Variants in CCDC57 observed in about 807,000 individuals in gnomAD.
The protein encoded by CCDC57 is coiled-coil domain-containing protein 57.
A neutral mutation model predicts 118.9 loss-of-function variants in CCDC57; 118 were observed. The observed-to-expected ratio is 0.99, with a 90% CI of 0.86 to 1.16. The LOEUF (loss-of-function observed/expected upper bound fraction) is 1.16. CCDC57 is among the 50% of genes most tolerant of loss of function. The pLI is 0.00. For missense variants in CCDC57, 1,300 were observed against 1,320.7 expected (o/e 0.98, Z 0.24); for synonymous variants, 527 against 532.9 (o/e 0.99, Z 0.15).
chr17:82,196,236 T>TAAGGAG (rs1207923147), intron 4 of CCDC57, among the ~76,000 whole-genome samples: 1 of 152,262 alleles, frequency 6.6e-6, no homozygotes, highest in Non-Finnish European at 1.5e-5. Flanking sequence ...TTGGAGCCAC[T>TAAGGAG]TGAGGAAGCC....
intron 19 of CCDC57, chr17:82,107,429 G>A (rs1162523728): frequency 4.3e-6 from 2 of 469,150 alleles, no homozygotes; most frequent in Non-Finnish European, 8.8e-6. Flanking sequence ...CACCCTCCAT[G>A]GCGTCTCTGC....
intron 19 of CCDC57, among the ~76,000 whole-genome samples, chr17:82,109,982 CTGTT>C (rs1264932236): frequency 6.7e-6 from 1 of 149,236 alleles, no homozygotes; most frequent in Non-Finnish European, 1.5e-5. Context: ...GCAAAGAAGT[CTGTT>C]TTTTTTTTTT....
chr17:82,181,855 C>T (rs573444314), intron 9 of CCDC57, among the ~76,000 whole-genome samples: 1 of 152,064 alleles, frequency 6.6e-6, no homozygotes, highest in Non-Finnish European at 1.5e-5. Flanking sequence ...GGGTGGCTCA[C>T]GCCTGTCATC....
intron 19 of CCDC57, 92 bp from the exon 19 acceptor site, chr17:82,101,958 C>G: frequency 7.9e-7 from 1 of 1,272,474 alleles, no homozygotes; most frequent in Non-Finnish European, 1.0e-6. Flanking sequence ...GCAGCACTTC[C>G]GTGTTCCCGG....
At chr17:82,140,094 T>C (rs767416544) in intron 16 of CCDC57, among the ~76,000 whole-genome samples, 5 of 152,142 alleles carry the variant, frequency 3.3e-5, no homozygotes, top group African/African-American at 4.8e-5. Flanking sequence ...TTTTTTTGTT[T>C]GTTTTTTTTG....
chr17:82,123,081 C>T (rs1436399480), intron 19 of CCDC57, among the ~76,000 whole-genome samples: 2 of 150,454 alleles, frequency 1.3e-5, no homozygotes, highest in African/African-American at 4.9e-5. Flanking sequence ...CTACCTGTAG[C>T]GTTCCACTGC....
exon 5 of CCDC57, chr17:82,195,295 T>G (rs753747724): frequency 3.1e-6 from 5 of 1,602,066 alleles, no homozygotes; most frequent in Non-Finnish European, 4.3e-6. Flanking sequence ...GTGTTGCTCA[T>G]GTTGTCAGCC....
chr17:82,144,748 C>A (rs1441413781), intron 16 of CCDC57, among the ~76,000 whole-genome samples: 1 of 152,222 alleles, frequency 6.6e-6, no homozygotes, highest in African/African-American at 2.4e-5. Context: ...AGATACTTTA[C>A]TATTTATGCA....
At chr17:82,167,922 C>T (rs1051514770) in intron 13 of CCDC57, among the ~76,000 whole-genome samples, 5 of 152,196 alleles carry the variant, frequency 3.3e-5, no homozygotes, top group African/African-American at 7.2e-5. Context: ...GGCCTGTCAA[C>T]GTAATTTTAA....
intron 19 of CCDC57, among the ~76,000 whole-genome samples, chr17:82,124,014 A>G (rs2037091526): frequency 6.6e-6 from 1 of 151,918 alleles, no homozygotes; most frequent in Non-Finnish European, 1.5e-5. Context: ...AAGATAATGA[A>G]AAGCAAAAAT....
chr17:82,127,352 C>T, intron 19 of CCDC57: 1 of 180,956 alleles, frequency 5.5e-6, no homozygotes, highest in African/African-American at 9.1e-5. Flanking sequence ...CACCTGGGCT[C>T]CATTCTAAGT....
At position 82,167,597 on chromosome 17, in the gene CCDC57, C is replaced by T. The variant is rs901551845; in HGVS notation, c.1882+4104G>A. ...AACTCCTGGCCTCAAGTGATCCACC[C>T]GCCTCAGCTTCCCAAAGTGCTGGGA... On this transcript the variant is annotated intron_variant, in intron 13 of 19. Coordinates refer to ENST00000665763, the Ensembl canonical transcript of CCDC57. Among the ~76,000 whole-genome samples, 10 of 150,256 alleles carry T rather than the reference C, an allele frequency of 6.7e-5. No individual in the cohort carries two copies. In the South Asian group the frequency reaches 1.1e-3, roughly 16 times the overall value.
chr17:82,106,984 C>A (rs1472644567), intron 19 of CCDC57, among the ~76,000 whole-genome samples: 1 of 152,196 alleles, frequency 6.6e-6, no homozygotes, highest in African/African-American at 2.4e-5. Context: ...GCACTGCCTG[C>A]CACTCACTTT....
intron 14 of CCDC57, among the ~76,000 whole-genome samples, chr17:82,162,581 T>C (rs1195671074): frequency 6.8e-6 from 1 of 147,220 alleles, no homozygotes; most frequent in Non-Finnish European, 1.5e-5. Context: ...AGCGGGCAGG[T>C]GGCATCGGGC....
intron 16 of CCDC57, among the ~76,000 whole-genome samples, chr17:82,147,166 T>C (rs1341601362): frequency 6.6e-6 from 1 of 151,412 alleles, no homozygotes. Flanking sequence ...AAAGGATGGA[T>C]AGGTGGGTGG....
At chr17:82,119,195 G>A (rs1237025880) in intron 19 of CCDC57, among the ~76,000 whole-genome samples, 1 of 151,966 alleles carries the variant, frequency 6.6e-6, no homozygotes, top group Non-Finnish European at 1.5e-5. Flanking sequence ...CTTTACTTTG[G>A]AGAAAACTGC....
At chr17:82,149,141 G>GATGC (rs1277413640) in intron 16 of CCDC57, among the ~76,000 whole-genome samples, 1 of 144,500 alleles carries the variant, frequency 6.9e-6, no homozygotes, top group Non-Finnish European at 1.5e-5. Context: ...TGGATGGATG[G>GATGC]ATGGGTGGAT....
intron 11 of CCDC57, among the ~76,000 whole-genome samples, chr17:82,177,011 C>CAA (rs2045603437): frequency 6.6e-6 from 1 of 151,342 alleles, no homozygotes; most frequent in Non-Finnish European, 1.5e-5. Context: ...TTTGGGAGGC[C>CAA]GAGGTGGGCA....
chr17:82,183,738 G>A (rs1384920269), intron 9 of CCDC57, 36 bp downstream of exon 8: 3 of 1,544,470 alleles, frequency 1.9e-6, no homozygotes, highest in Non-Finnish European at 2.6e-6. Flanking sequence ...GCCCATAGGA[G>A]ACCCTCAATG....
Sources: gnomAD v4.1 joint callset for allele counts (sites outside exome capture counted in the v4.1 genomes callset) on GRCh38, gnomAD v4.1.1 for gene constraint, MANE v1.5 for transcripts, NCBI Gene and HGNC (gene_info 2026-07-23, HGNC 2026-07-21) for gene names.